ZNF483: variants seen among roughly 807,000 people sequenced by gnomAD.
The protein encoded by ZNF483 is zinc finger protein 483.
ZNF483 carries 9 observed loss-of-function variants against 28.6 expected under a neutral mutation model. That is an observed-to-expected ratio of 0.32 (90% CI 0.19 to 0.55). ZNF483 has a LOEUF of 0.55. ZNF483 is among the 20% of genes least tolerant of loss of function. ZNF483 has a pLI of 0.93. For synonymous variants in ZNF483, 322 were observed against 306.2 expected, an observed-to-expected ratio of 1.05 and a Z score of -0.54; for missense variants, 675 against 871.7, an observed-to-expected ratio of 0.77 and a Z score of 2.84.
rs1351794993 is a variant in ZNF483, at chr9:111,548,328, T to C, written c.*5158T>C. ...GTGCCGTCTTTAATTTTTTCAGCAATGTGTTACAGTTGTCATTGTACAAGT... is the reference window on the plus strand; with the variant it reads ...GTGCCGTCTTTAATTTTTTCAGCAACGTGTTACAGTTGTCATTGTACAAGT... On this transcript the variant is annotated 3_prime_UTR_variant, in exon 6 of 6. Transcript: ENST00000309235. Among the ~76,000 whole-genome samples the C allele has an allele frequency of 6.6e-6, 1 of 152,218 alleles. No individual in the cohort carries two copies. The highest frequency in any genetic ancestry group is 2.4e-5 in the African/African-American group (1 of 41,468).
At position 111,550,704 on chromosome 9, in the gene ZNF483, C is replaced by A. The variant is rs1481185449; in HGVS notation, c.*7534C>A. Among the ~76,000 whole-genome samples, 1 of 152,190 alleles carries A rather than the reference C, an allele frequency of 6.6e-6. No homozygotes were observed. The highest frequency in any genetic ancestry group is 2.4e-5 in the African/African-American group (1 of 41,444). ...CCTGCTTTCTTGAAGATTTCTTCAA[C>A]TTTATCTTCCAGCTCTACTATTAAA... is the stretch of plus-strand genomic sequence containing the variant. On this transcript the variant is annotated 3_prime_UTR_variant, in exon 6 of 6. Transcript: ENST00000309235.
At position 111,542,830 on chromosome 9, in the gene ZNF483, A is replaced by G; in HGVS notation, c.1895A>G (p.Glu632Gly). 6.2e-7 allele frequency: 1 copy of G among 1,614,172 alleles called. No homozygotes were observed. Among genetic ancestry groups the G allele is most frequent in the East Asian group, 2.2e-5 (1 of 44,878 alleles). The part of the protein sequence containing the change: ...VIYHQRLHSG[E>G]KPYKCNQCEK... ...TATCATCAAAGACTTCATTCAGGAG[A>G]AAAACCCTACAAATGTAACCAGTGT... The change falls in exon 6 of 6, where the codon GAA (glutamate) becomes GGA (glycine). Residue 632 changes from glutamate (E) to glycine (G), a missense_variant. Glu to Gly is a moderately conservative substitution (Grantham distance 98). Coordinates refer to ENST00000309235, the MANE Select transcript of ZNF483 (RefSeq NM_133464.5). The surrounding 1 kb of genome is among the most constrained non-coding windows in gnomAD (Gnocchi z 6.2).
intron 5 of ZNF483, among the ~76,000 whole-genome samples, chr9:111,561,104 T>TAGAGAGAGAGAGAGAG (rs1465441902): frequency 7.6e-5 from 2 of 26,384 alleles, no homozygotes; most frequent in African/African-American, 3.2e-4. Flanking sequence ...TATATATATA[T>TAGAGAGAGAGAGAGAG]ATATATAGAG....
chr9:111,551,912 CTTA>C lies in ZNF483; in HGVS notation c.*8745_*8747del, dbSNP rs1262369259. On this transcript the variant is annotated 3_prime_UTR_variant, in exon 6 of 6. Coordinates refer to ENST00000309235, the MANE Select transcript of ZNF483 (RefSeq NM_133464.5). ...ACAATATATCATTCTTCAGATTTTG[CTTA>C]TTTTTTGCAGCCATTTATTACATTT... 2.6e-5 allele frequency among the ~76,000 whole-genome samples: 4 copies of C among 152,114 alleles called. No individual in the cohort carries two copies. The highest frequency in any genetic ancestry group is 7.2e-5 in the African/African-American group (3 of 41,426).
chr9:111,547,786 T>G lies in ZNF483; in HGVS notation c.*4616T>G, dbSNP rs1827839054. Among the ~76,000 whole-genome samples, 1 of 152,214 alleles carries G rather than the reference T, an allele frequency of 6.6e-6. No homozygotes were observed. Among genetic ancestry groups the G allele is most frequent in the South Asian group, 2.1e-4 (1 of 4,832 alleles). On this transcript the variant is annotated 3_prime_UTR_variant, in exon 6 of 6. Transcript: ENST00000309235. Reference sequence around the variant, plus strand: ...TAGTTTCAGGTCTTATGTTTAAGTCTTTTAACCATTTTGATTTTTATGTAT... The same window carrying G: ...TAGTTTCAGGTCTTATGTTTAAGTCGTTTAACCATTTTGATTTTTATGTAT...
Position 111,574,972 on chromosome 9 carries a change from G to A in ZNF483, c.722-1393G>A, listed in dbSNP as rs1477621497. On this transcript the variant is annotated intron_variant, in intron 5 of 5. Transcript: ENST00000358151. ...CAAAACTGACTGAATTAGCCCAACA[G>A]TGCAGAAGACTGCAGTTAGAAAAAG... 4 of 687,654 alleles carry A rather than the reference G, an allele frequency of 5.8e-6. No homozygotes were observed. In the African/African-American group the frequency reaches 7.4e-5, roughly 13 times the overall value. The allele number at this position is 687,654 out of a possible 1,614,324, so 42.6% of individuals were successfully genotyped here.
At position 111,528,022 on chromosome 9, in the gene ZNF483, C is replaced by T; in HGVS notation, c.412+215C>T. The T allele has an allele frequency of 2.1e-6, 3 of 1,454,978 alleles. No homozygotes were observed. In the South Asian group the frequency reaches 4.5e-5, roughly 22 times the overall value. The allele number at this position is 1,454,978 out of a possible 1,614,324, so 90.1% of individuals were successfully genotyped here. A position where few individuals can be genotyped will look rare whatever the true frequency, so the allele number is the denominator to read the frequency against. The stretch of plus-strand genomic sequence containing the variant: ...TTTATCTGTTAAAAAGGGATTTTAT[C>T]TTTCTTGTAGTTTTCTTGTAAAGGT... On this transcript the variant is annotated intron_variant, in intron 2 of 5. Transcript: ENST00000309235.
At chr9:111,530,497 C>A (rs974075166) in intron 2 of ZNF483, among the ~76,000 whole-genome samples, 11 of 151,748 alleles carry the variant, frequency 7.2e-5, no homozygotes, top group Admixed American at 3.3e-4. Flanking sequence ...CCTGGAGGGT[C>A]GGACATGAGA....
intron 5 of ZNF483, chr9:111,564,285 T>TATC (rs1348994541): frequency 4.1e-6 from 2 of 488,960 alleles, no homozygotes; most frequent in South Asian, 6.4e-5. Flanking sequence ...CTTTTATTAT[T>TATC]ATTATTATTA....
chr9:111,564,332 G>A (rs1828457805), intron 5 of ZNF483: 1 of 592,298 alleles, frequency 1.7e-6, no homozygotes, highest in Admixed American at 6.1e-5. Context: ...CTGAGACAGG[G>A]TCTCACTCTG....
chr9:111,555,738 C>T (rs10980941), downstream of ZNF483, among the ~76,000 whole-genome samples: 48,425 of 151,880 alleles, frequency 0.32, 8,747 homozygotes, highest in Non-Finnish European at 0.42. Flanking sequence ...ATCATGAGAA[C>T]AACAGGAGGG....
chr9:111,562,926 T>G, intron 5 of ZNF483: 1 of 1,377,790 alleles, frequency 7.3e-7, no homozygotes. Flanking sequence ...GTGAGGTGAC[T>G]GGTTGTTGTT....
At chr9:111,576,293 G>T (rs1035565216) in intron 5 of ZNF483, 3 of 1,536,392 alleles carry the variant, frequency 2.0e-6, no homozygotes, top group Non-Finnish European at 2.7e-6. Context: ...TTTGCATATT[G>T]TAAACTACTT....
rs371446394 is a variant in ZNF483, at chr9:111,576,393, G to A, written c.750G>A (p.Gln250=). Reference sequence around the variant, plus strand: ...TACATGGAGCAGTAAAAAAGATGCAGATGTTCTCTGAGGCTGAATAAGACC... The same window carrying A: ...TACATGGAGCAGTAAAAAAGATGCAAATGTTCTCTGAGGCTGAATAAGACC... Residue 250 remains glutamine (Q), a synonymous_variant, in exon 6 of 6, where the codon CAG becomes CAA. Transcript: ENST00000358151. 6 of 1,614,030 alleles carry A rather than the reference G, an allele frequency of 3.7e-6. No homozygotes were observed. In the African/African-American group the frequency reaches 5.3e-5, roughly 14 times the overall value.
At chr9:111,537,079 T>TG (rs1375484452) in intron 5 of ZNF483, among the ~76,000 whole-genome samples, 6 of 152,306 alleles carry the variant, frequency 3.9e-5, no homozygotes, top group Admixed American at 2.6e-4. Flanking sequence ...GCACTTTGTA[T>TG]GGGTCCCATG....
chr9:111,563,639 G>A (rs562138880), intron 5 of ZNF483: 92 of 157,442 alleles, frequency 5.8e-4, no homozygotes, highest in Admixed American at 1.4e-3. Context: ...CCGACTAGCT[G>A]GGACTACAGG....
chr9:111,528,072 G>T, intron 2 of ZNF483: 1 of 1,360,132 alleles, frequency 7.4e-7, no homozygotes, highest in African/African-American at 1.5e-5. Context: ...TATAATATAT[G>T]GTGGATGCTC....
chr9:111,527,889 C>T (rs757965326), intron 2 of ZNF483, 82 bp downstream of exon 2: 1 of 1,607,464 alleles, frequency 6.2e-7, no homozygotes, highest in Non-Finnish European at 8.5e-7. Context: ...AGGCAATTTA[C>T]TGCTAAAGAG....
chr9:111,541,378 C>A (rs187189952), intron 5 of ZNF483, among the ~76,000 whole-genome samples: 8 of 152,048 alleles, frequency 5.3e-5, no homozygotes, highest in African/African-American at 1.9e-4. Flanking sequence ...CATGAGCCAC[C>A]GTGCCCATCC....
Sources: allele counts gnomAD v4.1 joint callset (sites outside exome capture counted in the v4.1 genomes callset), GRCh38; gene constraint gnomAD v4.1.1; non-coding constraint Gnocchi (gnomAD v3.1); transcripts MANE v1.5; gene names NCBI Gene and HGNC (gene_info 2026-07-23, HGNC 2026-07-21).